MYBPC1: variants seen among roughly 807,000 people sequenced by gnomAD.
MYBPC1 encodes the protein myosin binding protein C1, also known as myosin-binding protein C, slow-type.
Under a neutral mutation model 147.1 loss-of-function variants are expected in MYBPC1, and 52 were observed. That is an observed-to-expected ratio of 0.35 (90% CI 0.28 to 0.45). MYBPC1 has a LOEUF of 0.45. MYBPC1 is among the 20% of genes least tolerant of loss of function. MYBPC1 has a pLI of 1.00. For synonymous variants in MYBPC1, 477 were observed against 475.9 expected, an observed-to-expected ratio of 1.00 and a Z score of -0.03; for missense variants, 1,228 against 1,440.3, an observed-to-expected ratio of 0.85 and a Z score of 2.39.
chr12:101,659,466 T>C (rs1024914995), intron 18 of MYBPC1, among the ~76,000 whole-genome samples: 17 of 152,194 alleles, frequency 1.1e-4, no homozygotes, highest in South Asian at 2.1e-4. Context: ...TAATACCTTG[T>C]CATTAGAGTT....
intron 1 of MYBPC1, among the ~76,000 whole-genome samples, chr12:101,606,990 A>G (rs1882459932): frequency 6.6e-6 from 1 of 151,876 alleles, no homozygotes; most frequent in African/African-American, 2.4e-5. Flanking sequence ...ATGCCCGACT[A>G]ATTTCTTGTA....
downstream of MYBPC1, among the ~76,000 whole-genome samples, chr12:101,689,240 C>A (rs1243028636): frequency 6.6e-6 from 1 of 152,120 alleles, no homozygotes; most frequent in Non-Finnish European, 1.5e-5. Context: ...TTGAGAAATT[C>A]TCTGTTCTGT....
At chr12:101,606,443 C>T (rs369646698) in intron 1 of MYBPC1, among the ~76,000 whole-genome samples, 1 of 151,328 alleles carries the variant, frequency 6.6e-6, no homozygotes, top group African/African-American at 2.4e-5. Context: ...ACTTTGAGAA[C>T]CACTAATATA....
In MYBPC1 at chr12:101,643,080, G is replaced by T. The variant is rs141846786; in HGVS notation, c.832+495G>T. Among the ~76,000 whole-genome samples the T allele has an allele frequency of 7.2e-3, 1,101 of 152,300 alleles. 7 individuals carry two copies. Among genetic ancestry groups the T allele is most frequent in the African/African-American group, 0.025 (1,026 of 41,560 alleles). On this transcript the variant is annotated intron_variant, in intron 11 of 31. Coordinates refer to ENST00000361466, the MANE Select transcript of MYBPC1 (RefSeq NM_002465.4). Reference sequence around the variant, plus strand: ...CTTTTTAAAGTGGAAAGAAAAAAAGGAGAGAAAGGAATACATTTTACGCTG... The same window carrying T: ...CTTTTTAAAGTGGAAAGAAAAAAAGTAGAGAAAGGAATACATTTTACGCTG...
In MYBPC1 at chr12:101,666,281, C is replaced by T. The variant is rs1486963772; in HGVS notation, c.2357-1451C>T. On this transcript the variant is annotated intron_variant, in intron 22 of 31. Coordinates refer to ENST00000361466, the MANE Select transcript of MYBPC1 (RefSeq NM_002465.4). ...CTCCCAGTCTTGAATGAGGGAGCCCCACTGTGGGAGCACCGTGTTCCCTGG... is the reference window on the plus strand; with the variant it reads ...CTCCCAGTCTTGAATGAGGGAGCCCTACTGTGGGAGCACCGTGTTCCCTGG... 4.2e-5 allele frequency: 8 copies of T among 190,872 alleles called. No individual in the cohort carries two copies. In the East Asian group the frequency reaches 9.6e-4, roughly 23 times the overall value. 11.8% of individuals were successfully genotyped at this position (190,872 alleles called of 1,614,324 possible). A position where few individuals can be genotyped will look rare whatever the true frequency, so the allele number is the denominator to read the frequency against.
chr12:101,616,954 C>T (rs1287897539), intron 2 of MYBPC1, among the ~76,000 whole-genome samples: 1 of 152,104 alleles, frequency 6.6e-6, no homozygotes, highest in African/African-American at 2.4e-5. Context: ...TTAACAAAAT[C>T]TGTATTGAGT....
At chr12:101,670,709 G>C (rs1898464385) in intron 24 of MYBPC1, among the ~76,000 whole-genome samples, 1 of 152,180 alleles carries the variant, frequency 6.6e-6, no homozygotes, top group South Asian at 2.1e-4. Context: ...ACCAAATGAA[G>C]AAATGCTTGA....
chr12:101,597,831 C>A (rs1236700456), intron 1 of MYBPC1, among the ~76,000 whole-genome samples: 1 of 152,096 alleles, frequency 6.6e-6, no homozygotes, highest in Non-Finnish European at 1.5e-5. Context: ...CTTACAGAAC[C>A]TAAGGCCTAG....
chr12:101,638,156 G>T (rs1224755528), intron 10 of MYBPC1, among the ~76,000 whole-genome samples: 1 of 152,138 alleles, frequency 6.6e-6, no homozygotes, highest in African/African-American at 2.4e-5. Flanking sequence ...GGAAGCTGGC[G>T]CTTCAGTTTA....
chr12:101,684,784 A>T (rs1214371734), intron 31 of MYBPC1, among the ~76,000 whole-genome samples: 1 of 152,124 alleles, frequency 6.6e-6, no homozygotes, highest in African/African-American at 2.4e-5. Flanking sequence ...TTGTTTTTTT[A>T]AAAAAAGGAG....
chr12:101,690,203 G>A (rs1006248040), downstream of MYBPC1, among the ~76,000 whole-genome samples: 2 of 151,878 alleles, frequency 1.3e-5, no homozygotes, highest in Admixed American at 6.6e-5. Flanking sequence ...AAACTTTCTA[G>A]CCCTGCCCCA....
At chr12:101,635,014 G>A (rs1727091) in intron 9 of MYBPC1, among the ~76,000 whole-genome samples, 30,130 of 152,016 alleles carry the variant, frequency 0.2, 3,087 homozygotes, top group Middle Eastern at 0.27. Flanking sequence ...AATCACTCAG[G>A]GAGCTACTGA....
chr12:101,669,873 G>A, intron 23 of MYBPC1: 1 of 284,736 alleles, frequency 3.5e-6, no homozygotes, highest in Non-Finnish European at 6.5e-6. Flanking sequence ...GGAGGCGGAG[G>A]TTGCAGTGAG....
At chr12:101,685,529 A>AT (rs1389943367) in intron 31 of MYBPC1, 53 bp from the exon 32 acceptor site, 2 of 1,278,566 alleles carry the variant, frequency 1.6e-6, no homozygotes, top group African/African-American at 3.0e-5. Flanking sequence ...TGTTTCAGCG[A>AT]TTTTTCAGGT....
rs1046392440 is a variant in MYBPC1 at position 101,684,430 on chromosome 12, C to A, written c.*19+6C>A. ...AATGTATAATATCATCTAAGGTAAG[C>A]TTTCATATGGTTTTGGCATATGAAG... is the stretch of plus-strand genomic sequence containing the variant. On this transcript the variant is annotated splice_donor_region_variant and intron_variant, in intron 31 of 31. Coordinates refer to ENST00000361466, the MANE Select transcript of MYBPC1 (RefSeq NM_002465.4). The A allele has an allele frequency of 3.8e-6, 6 of 1,578,880 alleles. No homozygotes were observed. The highest frequency in any genetic ancestry group is 5.2e-6 in the Non-Finnish European group (6 of 1,156,508).
rs1412948956 is a variant in MYBPC1 at position 101,677,302 on chromosome 12, A to G, written c.3017A>G (p.Asn1006Ser). The G allele has an allele frequency of 1.2e-6, 2 of 1,613,798 alleles. No individual in the cohort carries two copies. The highest frequency in any genetic ancestry group is 1.7e-6 in the Non-Finnish European group (2 of 1,179,880). Residue 1006 changes from asparagine (N) to serine (S), a missense_variant, in exon 27 of 32, where the codon AAT becomes AGT. Physicochemically the swap from Asn to Ser is conservative, Grantham distance 46. This residue lies in a region of MYBPC1 where 1,077 missense variants were observed against 1,314.2 expected (regional missense o/e 0.82). Coordinates refer to ENST00000361466, the MANE Select transcript of MYBPC1 (RefSeq NM_002465.4). ...ACCATTACTGAATTGGTCATAGGGA[A>G]TGAATATTACTTCCGGGTCTTTTCT... ...SATITELVIGNEYYFRVFSEN... is the reference protein window; with the variant it reads ...SATITELVIGSEYYFRVFSEN...
intron 14 of MYBPC1, 111 bp downstream of exon 14, chr12:101,648,261 C>A: frequency 1.3e-6 from 1 of 744,642 alleles, no homozygotes; most frequent in Non-Finnish European, 2.3e-6. Context: ...AAACAATCTC[C>A]ACCTCATTTG....
chr12:101,617,591 G>A (rs1303034893), intron 3 of MYBPC1, among the ~76,000 whole-genome samples: 2 of 141,458 alleles, frequency 1.4e-5, no homozygotes, highest in African/African-American at 2.7e-5. Context: ...TGAATTACCC[G>A]GTTTTTTTTT....
At chr12:101,636,785 C>A in intron 10 of MYBPC1, 57 bp downstream of exon 10, 1 of 1,418,118 alleles carries the variant, frequency 7.1e-7, no homozygotes, top group Non-Finnish European at 1.0e-6. Context: ...CAGACACCCA[C>A]TCAGAGAAGT....
Sources: allele counts gnomAD v4.1 joint callset (sites outside exome capture counted in the v4.1 genomes callset), GRCh38; gene constraint gnomAD v4.1.1; regional missense constraint gnomAD v4.1.1; transcripts MANE v1.5; gene names NCBI Gene and HGNC (gene_info 2026-07-23, HGNC 2026-07-21).